OLA1: variants seen among roughly 807,000 people sequenced by gnomAD.
OLA1 encodes the protein obg-like ATPase 1.
OLA1 carries 14 observed loss-of-function variants against 48.4 expected under a neutral mutation model. That is an observed-to-expected ratio of 0.29 (90% CI 0.19 to 0.45). The LOEUF (loss-of-function observed/expected upper bound fraction) is 0.45, where lower values mean the gene tolerates loss of function less well. Among genes scored for constraint, OLA1 ranks in the 20% least tolerant of loss-of-function variants. OLA1 has a pLI of 1.00. For synonymous variants in OLA1, 127 were observed against 150.4 expected (o/e 0.84, Z 1.14); for missense variants, 325 against 467.1 (o/e 0.70, Z 2.80).
chr2:174,105,994 C>T (rs1685507385), intron 7 of OLA1, among the ~76,000 whole-genome samples: 2 of 141,816 alleles, frequency 1.4e-5, no homozygotes, highest in African/African-American at 5.2e-5. Flanking sequence ...TTTTTGTTGG[C>T]TGTCAACTGC....
chr2:174,221,034 T>A (rs16862481), intron 4 of OLA1, among the ~76,000 whole-genome samples: 55,608 of 151,932 alleles, frequency 0.37, 10,838 homozygotes, highest in East Asian at 0.77. Flanking sequence ...AGGATTTTTT[T>A]AAAATTCTGA....
intron 4 of OLA1, among the ~76,000 whole-genome samples, chr2:174,159,354 TA>T (rs1389041641): frequency 6.6e-6 from 1 of 152,196 alleles, no homozygotes; most frequent in Non-Finnish European, 1.5e-5. Flanking sequence ...CTACTTTCTT[TA>T]AAATAAGGAT....
At chr2:174,186,075 G>A (rs1404119454) in intron 4 of OLA1, among the ~76,000 whole-genome samples, 1 of 152,058 alleles carries the variant, frequency 6.6e-6, no homozygotes, top group African/African-American at 2.4e-5. Flanking sequence ...CAACATGAGA[G>A]ACCTTTAACA....
intron 7 of OLA1, among the ~76,000 whole-genome samples, chr2:174,119,940 AAC>A (rs541858637): frequency 7.7e-6 from 1 of 129,744 alleles, no homozygotes; most frequent in Non-Finnish European, 1.7e-5. Flanking sequence ...ATGTGTGTAT[AAC>A]ACACACACAC....
chr2:174,086,144 A>T (rs1355006577), intron 7 of OLA1, among the ~76,000 whole-genome samples: 1 of 152,118 alleles, frequency 6.6e-6, no homozygotes, highest in African/African-American at 2.4e-5. Flanking sequence ...TAATGTTTTT[A>T]GGCTTAGTGT....
At chr2:174,127,652 C>T (rs979458912) in intron 5 of OLA1, among the ~76,000 whole-genome samples, 10 of 152,056 alleles carry the variant, frequency 6.6e-5, no homozygotes, top group Non-Finnish European at 1.2e-4. Flanking sequence ...CTTTCAAATG[C>T]TTTTCAAAGG....
At chr2:174,138,607 G>A (rs934771985) in intron 5 of OLA1, among the ~76,000 whole-genome samples, 2 of 152,014 alleles carry the variant, frequency 1.3e-5, no homozygotes, top group East Asian at 1.9e-4. Flanking sequence ...TCAACACAGC[G>A]TTGCCACAAA....
At chr2:174,233,100 G>A (rs528303736) in intron 2 of OLA1, among the ~76,000 whole-genome samples, 194 of 152,202 alleles carry the variant, frequency 1.3e-3, no homozygotes, top group African/African-American at 4.0e-3. Flanking sequence ...TAAGCTAGTC[G>A]CAAAAGTATA....
chr2:174,080,098 T>A (rs1684825355), intron 9 of OLA1, among the ~76,000 whole-genome samples: 1 of 152,072 alleles, frequency 6.6e-6, no homozygotes, highest in Admixed American at 6.6e-5. Context: ...ACATTATTTT[T>A]AAAATCTATA....
chr2:174,084,582 A>G (rs1247123827), intron 7 of OLA1, among the ~76,000 whole-genome samples: 1 of 152,230 alleles, frequency 6.6e-6, no homozygotes, highest in Non-Finnish European at 1.5e-5. Flanking sequence ...TGGTGTATCT[A>G]TTAGGTCTGA....
chr2:174,204,741 T>TA (rs11327056), intron 4 of OLA1, among the ~76,000 whole-genome samples: 10 of 151,462 alleles, frequency 6.6e-5, no homozygotes, highest in Non-Finnish European at 1.5e-4. Flanking sequence ...ATAATATTCA[T>TA]AAAAAAAAAC....
intron 4 of OLA1, among the ~76,000 whole-genome samples, chr2:174,181,202 A>G (rs1365656690): frequency 1.3e-5 from 2 of 152,218 alleles, no homozygotes; most frequent in East Asian, 1.9e-4. Context: ...CATAGAGGTC[A>G]CTGGTGACAT....
intron 4 of OLA1, among the ~76,000 whole-genome samples, chr2:174,202,587 G>T (rs761318580): frequency 2.0e-5 from 3 of 152,162 alleles, no homozygotes; most frequent in African/African-American, 4.8e-5. Flanking sequence ...AAGAAGCAGA[G>T]AAATGTCATG....
In OLA1 at chr2:174,123,228, T is replaced by C; in HGVS notation, c.680A>G (p.Tyr227Cys). 6.3e-7 allele frequency: 1 copy of C among 1,578,412 alleles called. No homozygotes were observed. Among genetic ancestry groups the C allele is most frequent in the Non-Finnish European group, 8.7e-7 (1 of 1,154,170 alleles). The change falls in exon 7 of 11, where the codon TAC becomes TGC. Residue 227 changes from tyrosine to cysteine, a missense_variant. By Grantham distance (194) the Tyr-to-Cys change is radical. Transcript: ENST00000284719. ...GTCTTTTTCAGAAAGATTAACCAAG[T>C]AGACCATTGGTTTTGAAGTCAAAAA... is the stretch of plus-strand genomic sequence containing the variant. ...HLFLTSKPMV[Y>C]LVNLSEKDYI... is the part of the protein sequence containing the mutation.
In OLA1 at chr2:174,075,492, A is replaced by G. The variant is rs749872922; in HGVS notation, c.1125T>C (p.Tyr375=). The G allele has an allele frequency of 1.9e-6, 3 of 1,611,048 alleles. No homozygotes were observed. Among genetic ancestry groups the G allele is most frequent in the Non-Finnish European group, 2.5e-6 (3 of 1,177,632 alleles). The change falls in exon 11 of 11, where the codon TAT becomes TAC. Residue 375 remains tyrosine, a synonymous_variant. Coordinates refer to ENST00000284719, the MANE Select transcript of OLA1 (RefSeq NM_013341.5). The stretch of plus-strand genomic sequence containing the variant: ...AGATAATATCTCCATCTTCAACAAT[A>G]TAATTTCTGCCTTGTTGTCTGTACT... ...AGKYRQQGRN[Y]IVEDGDIIFF...
chr2:174,224,469 T>C (rs745981775), intron 3 of OLA1, among the ~76,000 whole-genome samples: 13 of 152,122 alleles, frequency 8.5e-5, no homozygotes, highest in Non-Finnish European at 1.2e-4. Flanking sequence ...CTTGCCCTAA[T>C]TGCCTCAAAG....
chr2:174,166,074 G>C (rs1687155621), intron 4 of OLA1, among the ~76,000 whole-genome samples: 1 of 150,706 alleles, frequency 6.6e-6, no homozygotes, highest in African/African-American at 2.4e-5. Flanking sequence ...CACATGAGCA[G>C]AGATCGTGCC....
intron 8 of OLA1, 36 bp from the exon 9 acceptor site, chr2:174,081,284 A>G (rs368621869): frequency 6.6e-7 from 1 of 1,522,604 alleles, no homozygotes; most frequent in Non-Finnish European, 9.1e-7. Flanking sequence ...CCAACACATA[A>G]GTTGATTGTG....
At chr2:174,165,939 T>C (rs577599176) in intron 4 of OLA1, among the ~76,000 whole-genome samples, 70 of 152,180 alleles carry the variant, frequency 4.6e-4, no homozygotes, top group African/African-American at 1.3e-3. Context: ...CTGGGCAACA[T>C]GGTGAAACCC....
Sources: allele counts gnomAD v4.1 joint callset (sites outside exome capture counted in the v4.1 genomes callset), GRCh38; gene constraint gnomAD v4.1.1; transcripts MANE v1.5; gene names NCBI Gene and HGNC (gene_info 2026-07-23, HGNC 2026-07-21).